Variants in PKP2 observed in about 807,000 individuals in gnomAD.
PKP2 encodes the protein plakophilin-2.
A neutral mutation model predicts 83.4 loss-of-function variants in PKP2; 73 were observed. That is an observed-to-expected ratio of 0.88 (90% CI 0.72 to 1.06). PKP2 has a LOEUF of 1.06. Among genes scored for constraint, PKP2 ranks in the 50% least tolerant of loss-of-function variants. The pLI, the probability that PKP2 is intolerant of heterozygous loss-of-function variation, is 0.00. For synonymous variants in PKP2, 409 were observed against 430.4 expected (o/e 0.95, Z 0.62); for missense variants, 966 against 1,065.4 (o/e 0.91, Z 1.30).
chr12:32,801,218 G>A (rs1956174996), intron 10 of PKP2, among the ~76,000 whole-genome samples: 1 of 152,150 alleles, frequency 6.6e-6, no homozygotes, highest in South Asian at 2.1e-4. Flanking sequence ...AGAACCTGAG[G>A]CCAACAGCAT....
chr12:32,796,188 G>C lies in PKP2; in HGVS notation c.2278C>G (p.Gln760Glu), dbSNP rs1215421558. 1 of 1,613,950 alleles carries C rather than the reference G, an allele frequency of 6.2e-7. No individual in the cohort carries two copies. Among genetic ancestry groups the C allele is most frequent in the East Asian group, 2.2e-5 (1 of 44,876 alleles). The change falls in exon 11 of 13, where the codon CAA becomes GAA. Residue 760 changes from glutamine to glutamate, a missense_variant. Gln to Glu is a conservative substitution (Grantham distance 29, BLOSUM62 2). Coordinates refer to ENST00000340811, the MANE Select transcript of PKP2 (RefSeq NM_001005242.3). ...SACYTLNNII[Q>E]NSYQNARDLL... ...TCGCGTGCATTCTGGTAACTGTTTT[G>C]GATTATGTTGTTCAATGTGTAACAG... is the stretch of plus-strand genomic sequence containing the variant.
At chr12:32,874,573 T>A (rs1956918068) in intron 3 of PKP2, among the ~76,000 whole-genome samples, 1 of 152,188 alleles carries the variant, frequency 6.6e-6, no homozygotes, top group South Asian at 2.1e-4. Flanking sequence ...TTCCTTCTAC[T>A]CTTGGAAATA....
At chr12:32,835,414 T>C (rs1956536370) in intron 6 of PKP2, among the ~76,000 whole-genome samples, 1 of 152,150 alleles carries the variant, frequency 6.6e-6, no homozygotes, top group Admixed American at 6.5e-5. Context: ...TTAAAATATT[T>C]GGAAGAGCAA....
At chr12:32,824,009 A>T in intron 7 of PKP2, 36 bp downstream of exon 7, 1 of 1,228,936 alleles carries the variant, frequency 8.1e-7, no homozygotes, top group South Asian at 1.2e-5. Context: ...GAAGCATCTT[A>T]GTAAGACAAA....
At chr12:32,800,725 A>C (rs1413841034) in intron 10 of PKP2, among the ~76,000 whole-genome samples, 1 of 152,226 alleles carries the variant, frequency 6.6e-6, no homozygotes, top group Non-Finnish European at 1.5e-5. Flanking sequence ...TATTATCAGA[A>C]GTCTCCCTCC....
At chr12:32,889,131 T>C (rs2137986336) in intron 1 of PKP2, among the ~76,000 whole-genome samples, 1 of 152,142 alleles carries the variant, frequency 6.6e-6, no homozygotes, top group African/African-American at 2.4e-5. Context: ...ACAACTGAAC[T>C]AAGTTAACTG....
intron 4 of PKP2, among the ~76,000 whole-genome samples, chr12:32,865,970 T>G (rs938719980): frequency 3.9e-5 from 6 of 152,074 alleles, no homozygotes; most frequent in African/African-American, 1.2e-4. Context: ...CTTCTAACTT[T>G]TGAATAGAGA....
At chr12:32,802,754 G>A (rs919414474) in intron 9 of PKP2, among the ~76,000 whole-genome samples, 198 bp from the exon 10 acceptor site, 1 of 152,068 alleles carries the variant, frequency 6.6e-6, no homozygotes, top group East Asian at 1.9e-4. Flanking sequence ...CACCTCCCAG[G>A]TTCAAGTGAT....
intron 3 of PKP2, among the ~76,000 whole-genome samples, chr12:32,872,780 G>A (rs1476221779): frequency 6.6e-6 from 1 of 152,156 alleles, no homozygotes; most frequent in African/African-American, 2.4e-5. Context: ...GCAATGCTTT[G>A]GAAAGATGAC....
chr12:32,838,518 A>G (rs1956562329), intron 6 of PKP2, among the ~76,000 whole-genome samples: 4 of 152,198 alleles, frequency 2.6e-5, no homozygotes, highest in Admixed American at 2.6e-4. Flanking sequence ...TGTGATCCTC[A>G]AGATCGCCAC....
chr12:32,840,884 G>GATAA, intron 6 of PKP2, 144 bp downstream of exon 6: 1 of 696,120 alleles, frequency 1.4e-6, no homozygotes, highest in Non-Finnish European at 2.5e-6. Context: ...TTTTAAAAAA[G>GATAA]ATAAATAAAT....
chr12:32,835,132 C>T (rs560361589), intron 6 of PKP2, among the ~76,000 whole-genome samples: 20 of 151,596 alleles, frequency 1.3e-4, no homozygotes, highest in African/African-American at 4.8e-4. Flanking sequence ...CGGCTCACTG[C>T]AAGCTCTGCC....
At chr12:32,801,705 T>G (rs999579060) in intron 10 of PKP2, among the ~76,000 whole-genome samples, 3 of 152,208 alleles carry the variant, frequency 2.0e-5, no homozygotes, top group Non-Finnish European at 2.9e-5. Context: ...CATGTTTAAT[T>G]TTAGCATTAT....
intron 7 of PKP2, among the ~76,000 whole-genome samples, chr12:32,823,613 T>G (rs1255155991): frequency 2.7e-5 from 4 of 147,306 alleles, no homozygotes; most frequent in African/African-American, 1.0e-4. Flanking sequence ...AATATTTCTT[T>G]TTTTTTTTTT....
Position 32,821,596 on chromosome 12 carries a change from A to C in PKP2, c.1840-67T>G, listed in dbSNP as rs1956379812. On this transcript the variant is annotated intron_variant, in intron 8 of 12. Transcript: ENST00000340811. ...GTGATGGCTATAATTTCACACTCAA[A>C]CCAGGAGACCAGAAATACTGTCTAG... 3 of 1,465,138 alleles carry C rather than the reference A, an allele frequency of 2.0e-6. No homozygotes were observed. The South Asian group carries it at 3.4e-5, about 17-fold the overall frequency. 90.8% of individuals were successfully genotyped at this position (1,465,138 alleles called of 1,614,324 possible).
chr12:32,819,533 C>T (rs1302606345), intron 9 of PKP2, among the ~76,000 whole-genome samples: 1 of 151,930 alleles, frequency 6.6e-6, no homozygotes, highest in African/African-American at 2.4e-5. Context: ...TAAATTTTTC[C>T]TAGTACTTTA....
At chr12:32,889,860 C>CATGA (rs970472880) in intron 1 of PKP2, among the ~76,000 whole-genome samples, 9 of 151,670 alleles carry the variant, frequency 5.9e-5, no homozygotes, top group African/African-American at 1.7e-4. Flanking sequence ...GCGGGTGGAT[C>CATGA]GGTCAGGAGA....
chr12:32,888,572 C>T (rs1013472380), intron 1 of PKP2, among the ~76,000 whole-genome samples: 2 of 151,918 alleles, frequency 1.3e-5, no homozygotes, highest in Non-Finnish European at 2.9e-5. Flanking sequence ...TCACCGCAAC[C>T]TCCACTTCCC....
chr12:32,872,635 G>C (rs1477686975), intron 3 of PKP2, among the ~76,000 whole-genome samples: 1 of 152,186 alleles, frequency 6.6e-6, no homozygotes, highest in East Asian at 1.9e-4. Context: ...GCCCAGGCTG[G>C]TTCCCCTGAT....
Sources: allele counts gnomAD v4.1 joint callset (sites outside exome capture counted in the v4.1 genomes callset), GRCh38; gene constraint gnomAD v4.1.1; transcripts MANE v1.5; gene names NCBI Gene and HGNC (gene_info 2026-07-23, HGNC 2026-07-21).